Variants in PTK2 observed in about 807,000 individuals in gnomAD.
The protein encoded by PTK2 is protein tyrosine kinase 2, also known as focal adhesion kinase 1.
Under a neutral mutation model 150.1 loss-of-function variants are expected in PTK2, and 45 were observed. The ratio of observed to expected loss-of-function variants is 0.30; its 90% CI spans 0.24 to 0.38. The LOEUF (loss-of-function observed/expected upper bound fraction) is 0.38. PTK2 is among the 10% of genes least tolerant of loss of function. The pLI is 1.00. For missense variants in PTK2, 919 were observed against 1,307.3 expected, an observed-to-expected ratio of 0.70 and a Z score of 4.58; for synonymous variants, 432 against 449.2, an observed-to-expected ratio of 0.96 and a Z score of 0.48.
chr8:140,757,071 C>T (rs140014525), intron 16 of PTK2, among the ~76,000 whole-genome samples: 29 of 151,960 alleles, frequency 1.9e-4, no homozygotes, highest in Middle Eastern at 6.9e-3. Flanking sequence ...AAATGGATTA[C>T]GTATTTTAAA....
At chr8:140,698,302 T>C (rs1465167953) in intron 26 of PTK2, among the ~76,000 whole-genome samples, 1 of 152,180 alleles carries the variant, frequency 6.6e-6, no homozygotes, top group Non-Finnish European at 1.5e-5. Flanking sequence ...TAATATCTAC[T>C]TTTAAAAACA....
chr8:140,867,968 A>T (rs771128383), intron 4 of PTK2, among the ~76,000 whole-genome samples: 1 of 152,186 alleles, frequency 6.6e-6, no homozygotes, highest in Non-Finnish European at 1.5e-5. Flanking sequence ...ATCCTGATAC[A>T]TATTTCCACT....
intron 10 of PTK2, among the ~76,000 whole-genome samples, chr8:140,805,584 T>C (rs988559260): frequency 8.6e-5 from 13 of 150,448 alleles, no homozygotes; most frequent in Non-Finnish European, 7.4e-5. Context: ...AAAAAGATCA[T>C]ATTCAACAAG....
intron 2 of PTK2, among the ~76,000 whole-genome samples, chr8:140,906,699 G>C (rs1568597297): frequency 6.6e-6 from 1 of 152,082 alleles, no homozygotes; most frequent in Non-Finnish European, 1.5e-5. Context: ...AGTAGGTTAA[G>C]GGGTACAAAA....
chr8:140,946,412 TAA>T (rs2100177721), intron 1 of PTK2, among the ~76,000 whole-genome samples: 1 of 152,126 alleles, frequency 6.6e-6, no homozygotes, highest in Non-Finnish European at 1.5e-5. Context: ...AAAGACCACG[TAA>T]GAGAGAGAAA....
intron 17 of PTK2, 152 bp downstream of exon 20, chr8:140,752,080 G>A (rs1565654401): frequency 1.2e-5 from 9 of 722,596 alleles, no homozygotes; most frequent in Admixed American, 2.2e-5. Flanking sequence ...ATAGGTGCTT[G>A]TACAAATTTA....
At chr8:140,756,874 A>G (rs886349053) in intron 16 of PTK2, among the ~76,000 whole-genome samples, 10 of 151,572 alleles carry the variant, frequency 6.6e-5, no homozygotes, top group African/African-American at 2.4e-4. Context: ...TTGTAGTCCC[A>G]GCTACTCGGG....
chr8:140,906,170 C>T (rs1277083477), intron 2 of PTK2, among the ~76,000 whole-genome samples: 1 of 151,994 alleles, frequency 6.6e-6, no homozygotes, highest in Admixed American at 6.6e-5. Flanking sequence ...AATGAGATAC[C>T]ATCTCACCTC....
intron 1 of PTK2, among the ~76,000 whole-genome samples, chr8:140,950,979 T>C (rs933119094): frequency 2.0e-5 from 3 of 151,960 alleles, no homozygotes; most frequent in Non-Finnish European, 2.9e-5. Context: ...ATAATATATA[T>C]ATTTTTTTAA....
chr8:140,978,345 T>A (rs1487131902), intron 1 of PTK2, among the ~76,000 whole-genome samples: 2 of 152,174 alleles, frequency 1.3e-5, no homozygotes, highest in African/African-American at 4.8e-5. Flanking sequence ...GGAGAAAATT[T>A]TTGCAATCTA....
At chr8:140,855,908 A>T (rs2100132277) in intron 5 of PTK2, among the ~76,000 whole-genome samples, 1 of 152,202 alleles carries the variant, frequency 6.6e-6, no homozygotes, top group Non-Finnish European at 1.5e-5. Context: ...ACACTTAAAA[A>T]TGGTTAAGAT....
chr8:140,986,967 T>C (rs1483791455), intron 1 of PTK2, among the ~76,000 whole-genome samples: 2 of 152,092 alleles, frequency 1.3e-5, no homozygotes, highest in African/African-American at 4.8e-5. Context: ...AACTCTTAAA[T>C]ATGACACATA....
At chr8:140,830,389 C>G in intron 8 of PTK2, 83 bp downstream of exon 8, 1 of 867,520 alleles carries the variant, frequency 1.2e-6, no homozygotes, top group Non-Finnish European at 1.8e-6. Flanking sequence ...CTACATTTTA[C>G]TTTCCCAAAA....
At chr8:140,974,650 A>G (rs2100188616) in intron 1 of PTK2, among the ~76,000 whole-genome samples, 1 of 152,194 alleles carries the variant, frequency 6.6e-6, no homozygotes, top group Admixed American at 6.5e-5. Context: ...TCCCTTGCCA[A>G]CACAAACCTT....
At chr8:140,846,715 A>T in intron 5 of PTK2, 37 bp from the exon 6 acceptor site, 1 of 1,475,518 alleles carries the variant, frequency 6.8e-7, no homozygotes, top group Non-Finnish European at 9.4e-7. Context: ...ACACTGTTTT[A>T]AAAGAAAAAT....
At chr8:140,670,369 G>T in intron 29 of PTK2, 1 of 145,754 alleles carries the variant, frequency 6.9e-6, no homozygotes, top group Non-Finnish European at 1.5e-5. Flanking sequence ...AGGCAGGAGA[G>T]TCATTTGAAC....
intron 8 of PTK2, among the ~76,000 whole-genome samples, chr8:140,829,691 T>C (rs889376836): frequency 6.6e-6 from 1 of 152,180 alleles, no homozygotes; most frequent in African/African-American, 2.4e-5. Flanking sequence ...CATCCACTGT[T>C]GCTATGTGAC....
intron 1 of PTK2, among the ~76,000 whole-genome samples, chr8:140,975,610 A>G (rs1039344134): frequency 1.3e-5 from 2 of 151,764 alleles, no homozygotes; most frequent in Admixed American, 6.6e-5. Flanking sequence ...GAGAGGGGGG[A>G]GGGGGAAGAA....
chr8:140,799,938 T>C (rs553761717), intron 12 of PTK2, among the ~76,000 whole-genome samples: 1 of 152,338 alleles, frequency 6.6e-6, no homozygotes, highest in South Asian at 2.1e-4. Flanking sequence ...TTCCTCATTA[T>C]ATGCTTGCAA....
Sources: allele counts gnomAD v4.1 joint callset (sites outside exome capture counted in the v4.1 genomes callset), GRCh38; gene constraint gnomAD v4.1.1; transcripts MANE v1.5; gene names NCBI Gene and HGNC (gene_info 2026-07-23, HGNC 2026-07-21).